PCDHA8: variants seen among roughly 807,000 people sequenced by gnomAD.
PCDHA8 encodes the protein protocadherin alpha-8.
In PCDHA8, 53 loss-of-function variants were observed where a neutral mutation model predicts 61.8. The observed-to-expected ratio is 0.86, with a 90% confidence interval of 0.69 to 1.08. PCDHA8 has a LOEUF of 1.08. PCDHA8 is among the 50% of genes least tolerant of loss of function. The pLI is 0.00. For synonymous variants in PCDHA8, 618 were observed against 556.6 expected, an observed-to-expected ratio of 1.11 and a Z score of -1.55; for missense variants, 1,293 against 1,245.0, an observed-to-expected ratio of 1.04 and a Z score of -0.58.
Position 140,842,578 on chromosome 5 carries a change from G to C in PCDHA8, c.1257G>C (p.Ser419=), listed in dbSNP as rs2150339831. Residue 419 remains serine (S), a synonymous_variant, in exon 1 of 4, where the codon TCG becomes TCC. Transcript: ENST00000531613. ...LDSALDRERV[S]AYELVVTARD... ...GCGCCCTGGACCGCGAGAGAGTGTC[G>C]GCCTATGAGTTGGTGGTAACCGCGC... 18 of 1,515,278 alleles carry C rather than the reference G, an allele frequency of 1.2e-5. 1 individual carries two copies. The highest frequency in any genetic ancestry group is 1.5e-5 in the Non-Finnish European group (17 of 1,114,964). 93.9% of individuals were successfully genotyped at this position (1,515,278 alleles called of 1,614,324 possible). A position where few individuals can be genotyped will look rare whatever the true frequency, so the allele number is the denominator to read the frequency against.
At chr5:141,001,896 C>T (rs2098042458) in intron 3 of PCDHA8, among the ~76,000 whole-genome samples, 1 of 152,142 alleles carries the variant, frequency 6.6e-6, no homozygotes, top group Admixed American at 6.5e-5. Flanking sequence ...GAAATCGGGG[C>T]TGTTTGAAAA....
chr5:140,982,795 ATG>A (rs60616196), intron 3 of PCDHA8, among the ~76,000 whole-genome samples: 18 of 151,504 alleles, frequency 1.2e-4, no homozygotes, highest in African/African-American at 3.2e-4. Flanking sequence ...GCATGTGTGC[ATG>A]TGTGTGTGTG....
At chr5:140,864,164 C>T (rs80100422) in intron 1 of PCDHA8, 19,126 of 151,926 alleles carry the variant, frequency 0.13, 1,273 homozygotes, top group Middle Eastern at 0.19. Context: ...TAAATCTTAC[C>T]GGAAGGATCA....
rs782468153 is a variant in PCDHA8, at chr5:140,858,011, G to A, written c.2394+14296G>A. ...ACTGGTGCTGGTGAAGGACCATGGCGAGCCGTCGCTGACGGCCACGGCCAC... is the reference window on the plus strand; with the variant it reads ...ACTGGTGCTGGTGAAGGACCATGGCAAGCCGTCGCTGACGGCCACGGCCAC... On this transcript the variant is annotated intron_variant, in intron 1 of 3. Transcript: ENST00000531613. 1.1e-5 allele frequency: 18 copies of A among 1,596,704 alleles called. 1 individual carries two copies. Among genetic ancestry groups the A allele is most frequent in the Non-Finnish European group, 1.5e-5 (17 of 1,167,106 alleles).
chr5:140,997,221 T>C (rs2097763900), intron 3 of PCDHA8, among the ~76,000 whole-genome samples: 1 of 152,152 alleles, frequency 6.6e-6, no homozygotes, highest in Admixed American at 6.5e-5. Context: ...GAAACTATCA[T>C]TACCACCCAA....
intron 1 of PCDHA8, among the ~76,000 whole-genome samples, chr5:140,908,126 C>T (rs573751399): frequency 1.6e-4 from 24 of 152,360 alleles, no homozygotes; most frequent in South Asian, 1.0e-3. Context: ...TTTCCCTTCA[C>T]TGCTGTCCTT....
intron 1 of PCDHA8, among the ~76,000 whole-genome samples, chr5:140,932,852 T>C (rs2088679496): frequency 1.3e-5 from 2 of 151,996 alleles, no homozygotes; most frequent in Non-Finnish European, 2.9e-5. Flanking sequence ...ATAATGTTAA[T>C]GACTTATTGT....
At chr5:140,875,457 G>T in intron 1 of PCDHA8, 3 of 1,595,968 alleles carry the variant, frequency 1.9e-6, no homozygotes, top group Non-Finnish European at 2.6e-6. Flanking sequence ...CAACTCAGAG[G>T]CCCTCATTTT....
At chr5:140,849,668 C>T (rs1208078689) in intron 1 of PCDHA8, 1 of 1,598,736 alleles carries the variant, frequency 6.3e-7, no homozygotes, top group Non-Finnish European at 8.6e-7. Flanking sequence ...CCCTGACGCC[C>T]CACGTCCCCT....
chr5:140,888,620 C>T lies in PCDHA8; in HGVS notation c.2394+44905C>T, dbSNP rs183005411. Among the ~76,000 whole-genome samples the T allele has an allele frequency of 3.4e-3, 514 of 152,264 alleles. 3 individuals are homozygous for T. The highest frequency in any genetic ancestry group is 0.014 in the Middle Eastern group (4 of 294). On this transcript the variant is annotated intron_variant, in intron 1 of 3. Coordinates refer to ENST00000531613, the MANE Select transcript of PCDHA8 (RefSeq NM_018911.3). ...AGCAGCTTTTAGTGTAGCACTAATT[C>T]GGCCTTCTATTACAGCAATACTTTC...
In PCDHA8 at chr5:140,928,350, T is replaced by C. The variant is rs144619371; in HGVS notation, c.2395-50599T>C. The C allele has an allele frequency of 1.3e-5, 21 of 1,614,098 alleles. No homozygotes were observed. The African/African-American group carries it at 2.1e-4, about 16-fold the overall frequency. On this transcript the variant is annotated intron_variant, in intron 1 of 3. Coordinates refer to ENST00000531613, the MANE Select transcript of PCDHA8 (RefSeq NM_018911.3). ...GCCTTGTCTCTTATGAGCTGTTGGA[T>C]GTTATCTCTGAAGGGCCATCAGCCT...
intron 1 of PCDHA8, chr5:140,882,615 T>A (rs1554174850): frequency 6.2e-7 from 1 of 1,614,020 alleles, no homozygotes; most frequent in South Asian, 1.1e-5. Flanking sequence ...CCTCTGCAGG[T>A]TTTCCATGTG....
chr5:140,850,170 AACG>A (rs2150470514), intron 1 of PCDHA8: 1 of 1,594,520 alleles, frequency 6.3e-7, no homozygotes, highest in Non-Finnish European at 8.6e-7. Context: ...GCTGGACGAG[AACG>A]ACAATGCGCC....
In PCDHA8 at chr5:140,856,939, G is replaced by A. The variant is rs1554149308; in HGVS notation, c.2394+13224G>A. The stretch of plus-strand genomic sequence containing the variant: ...GAAGGAAATTTTGGATAAACGAAAG[G>A]ACGGGAGAAATAAAAGTAAATGATG... On this transcript the variant is annotated intron_variant, in intron 1 of 3. Coordinates refer to ENST00000531613, the MANE Select transcript of PCDHA8 (RefSeq NM_018911.3). 1.9e-6 allele frequency: 3 copies of A among 1,593,866 alleles called. No homozygotes were observed. The East Asian group carries it at 6.7e-5, about 36-fold the overall frequency.
chr5:140,934,511 T>G (rs999288213), intron 1 of PCDHA8, among the ~76,000 whole-genome samples: 1 of 152,210 alleles, frequency 6.6e-6, no homozygotes. Context: ...AAAGGGTCCA[T>G]AGACCACACT....
At position 140,928,086 on chromosome 5, in the gene PCDHA8, G is replaced by A. The variant is rs17844363; in HGVS notation, c.2395-50863G>A. The A allele has an allele frequency of 1.9e-4, 304 of 1,614,206 alleles. No homozygotes were observed. The East Asian group carries it at 3.7e-3, about 20-fold the overall frequency. On this transcript the variant is annotated intron_variant, in intron 1 of 3. Transcript: ENST00000531613. ...CCTTTGACAACTACTACAGCCTGCT[G>A]ATTGATGGGCCCCTGGACCGGGAGC...
At chr5:140,865,006 T>C (rs1171249709) in intron 1 of PCDHA8, 2 of 152,174 alleles carry the variant, frequency 1.3e-5, no homozygotes, top group Non-Finnish European at 2.9e-5. Context: ...GAGACCAGCC[T>C]CGGCAACATA....
At chr5:140,871,659 T>C (rs2153275031) in intron 1 of PCDHA8, 1 of 1,218,398 alleles carries the variant, frequency 8.2e-7, no homozygotes, top group Non-Finnish European at 1.1e-6. Context: ...GATACACATC[T>C]TCAGTCTTTT....
At chr5:140,899,359 T>A (rs1247414230) in intron 1 of PCDHA8, among the ~76,000 whole-genome samples, 57 of 152,234 alleles carry the variant, frequency 3.7e-4, no homozygotes, top group Admixed American at 1.4e-3. Flanking sequence ...TTTTGAGATA[T>A]GTCCCATCAA....
Sources: allele counts gnomAD v4.1 joint callset (sites outside exome capture counted in the v4.1 genomes callset), GRCh38; gene constraint gnomAD v4.1.1; transcripts MANE v1.5; gene names NCBI Gene and HGNC (gene_info 2026-07-23, HGNC 2026-07-21).